The following ADGRF3 variants were observed in gnomAD, a reference collection of about 807,000 sequenced individuals.
The protein encoded by ADGRF3 is adhesion G protein-coupled receptor F3, also known as G protein-coupled receptor 113.
Under a neutral mutation model 93.2 loss-of-function variants are expected in ADGRF3, and 85 were observed. That is an observed-to-expected ratio of 0.91 (90% CI 0.77 to 1.09). ADGRF3 has a LOEUF of 1.09. Ranked by LOEUF, ADGRF3 falls within the 50% of genes least tolerant of loss-of-function variation. The pLI is 0.00. For missense variants in ADGRF3, 1,125 were observed against 1,246.2 expected (o/e 0.90, Z 1.46); for synonymous variants, 534 against 532.5 (o/e 1.00, Z -0.04).
At position 26,314,478 on chromosome 2, in the gene ADGRF3, G is replaced by C. The variant is rs759352742; in HGVS notation, c.864C>G (p.Ser288Arg). The C allele has an allele frequency of 5.0e-6, 8 of 1,614,056 alleles. No individual in the cohort carries two copies. In the East Asian group the frequency reaches 1.8e-4, roughly 36 times the overall value. The change falls in exon 6 of 14, where the codon AGC (serine) becomes AGG (arginine). Residue 288 changes from serine to arginine, a missense_variant. Physicochemically the swap from Ser to Arg is moderately radical, Grantham distance 110 (BLOSUM62 -1). Coordinates refer to ENST00000651242, the MANE Select transcript of ADGRF3 (RefSeq NM_001321971.2). ...CCAGGTTTGTGCTGGGGATGCAGCA[G>C]CTCAGCTGGAAGCCAGGGGAGGTGG... is the stretch of plus-strand genomic sequence containing the variant. ...SCATSPGFQL[S>R]CCIPSTNLAY...
At chr2:26,319,546 T>C (rs1351329725) in intron 1 of ADGRF3, among the ~76,000 whole-genome samples, 24 of 61,692 alleles carry the variant, frequency 3.9e-4, no homozygotes, top group East Asian at 2.8e-3. Flanking sequence ...CCCTTCTTTC[T>C]CTCCCTCCCT....
chr2:26,321,443 A>G lies in ADGRF3; in HGVS notation c.115-3881T>C, dbSNP rs540031272. ...AGCATCTGCTGCAGTCTCCAAATGG[A>G]GTCTGTCAAGGCATGAAGTGGTCCT... On this transcript the variant is annotated intron_variant, in intron 1 of 13. Coordinates refer to ENST00000651242, the MANE Select transcript of ADGRF3 (RefSeq NM_001321971.2). 7.9e-5 allele frequency among the ~76,000 whole-genome samples: 12 copies of G among 152,134 alleles called. No individual in the cohort carries two copies. In the South Asian group the frequency reaches 1.9e-3, roughly 24 times the overall value.
At chr2:26,310,533 C>T (rs943186077) in intron 10 of ADGRF3, among the ~76,000 whole-genome samples, 159 bp downstream of exon 10, 1 of 152,088 alleles carries the variant, frequency 6.6e-6, no homozygotes, top group African/African-American at 2.4e-5. Flanking sequence ...CAAAGTTATC[C>T]AGCTACTCAG....
chr2:26,317,458 C>T (rs530203057), intron 2 of ADGRF3, 38 bp downstream of exon 2: 4 of 1,553,866 alleles, frequency 2.6e-6, no homozygotes, highest in East Asian at 2.4e-5. Flanking sequence ...CAGCTCCCAT[C>T]TCCTCCCCCT....
Position 26,314,434 on chromosome 2 carries a change from C to T in ADGRF3, c.908G>A (p.Ser303Asn). The T allele has an allele frequency of 6.2e-7, 1 of 1,613,786 alleles. No homozygotes were observed. Among genetic ancestry groups the T allele is most frequent in the Non-Finnish European group, 8.5e-7 (1 of 1,179,850 alleles). The change falls in exon 6 of 14, where the codon AGC (serine) becomes AAC (asparagine). Residue 303 changes from serine to asparagine, a missense_variant. Transcript: ENST00000651242. ...CATACCTTTGCTGCCCTCTCCAGGGCTCCAGGCCGCGGTGTAGGCCAGGTT... is the reference window on the plus strand; with the variant it reads ...CATACCTTTGCTGCCCTCTCCAGGGTTCCAGGCCGCGGTGTAGGCCAGGTT... ...STNLAYTAAWSPGEGSKASSF... is the reference protein window; with the variant it reads ...STNLAYTAAWNPGEGSKASSF...
intron 6 of ADGRF3, among the ~76,000 whole-genome samples, 194 bp from the exon 7 acceptor site, chr2:26,314,097 C>G (rs1674440031): frequency 6.6e-6 from 1 of 152,216 alleles, no homozygotes; most frequent in Admixed American, 6.5e-5. Context: ...ACTGTGGGGT[C>G]TCTAACAAGC....
intron 1 of ADGRF3, among the ~76,000 whole-genome samples, chr2:26,344,221 C>T (rs1410768424): frequency 6.6e-6 from 1 of 152,102 alleles, no homozygotes. Context: ...CTCGGTTCAC[C>T]GTAACCCCAC....
chr2:26,310,139 C>G (rs1673930462), intron 11 of ADGRF3, 34 bp from the exon 12 acceptor site: 2 of 1,613,916 alleles, frequency 1.2e-6, no homozygotes, highest in South Asian at 2.2e-5. Flanking sequence ...CTTATGCCAG[C>G]CACGGCCCCG....
chr2:26,345,885 T>C (rs1388148569), intron 1 of ADGRF3: 7 of 539,918 alleles, frequency 1.3e-5, no homozygotes, highest in Non-Finnish European at 2.3e-5. Flanking sequence ...TTACCTCAGC[T>C]CACCAATTTT....
intron 1 of ADGRF3, among the ~76,000 whole-genome samples, chr2:26,333,739 T>C (rs1364234101): frequency 6.6e-6 from 1 of 152,148 alleles, no homozygotes; most frequent in Non-Finnish European, 1.5e-5. Context: ...CTAGGTTTTC[T>C]AACACAAAAG....
Position 26,315,507 on chromosome 2 carries a change from G to A in ADGRF3, c.718+15C>T. 1 of 1,547,572 alleles carries A rather than the reference G, an allele frequency of 6.5e-7. No individual in the cohort carries two copies. The highest frequency in any genetic ancestry group is 8.7e-7 in the Non-Finnish European group (1 of 1,143,960). On this transcript the variant is annotated intron_variant, in intron 5 of 13. Coordinates refer to ENST00000651242, the MANE Select transcript of ADGRF3 (RefSeq NM_001321971.2). ...AGGAAGGAGAAAGGAGGCAAGGAGA[G>A]GACAGGCTGGCTACCTGCCCAGTGA...
chr2:26,314,622 A>C lies in ADGRF3; in HGVS notation c.720T>G (p.Gly240=). The part of the protein sequence containing the change: ...SVSNMSHHWA[G]EYMSCFEAQG... ...GGGCCTCGAAGCAGCTCATGTACTCACCTGCAGAAACGTGTGTGCGGCGCT... is the reference window on the plus strand; with the variant it reads ...GGGCCTCGAAGCAGCTCATGTACTCCCCTGCAGAAACGTGTGTGCGGCGCT... The change falls in exon 6 of 14, where the codon GGT becomes GGG. Residue 240 remains glycine, a splice_region_variant and synonymous_variant. Transcript: ENST00000651242. The C allele has an allele frequency of 6.2e-7, 1 of 1,613,108 alleles. No homozygotes were observed. Among genetic ancestry groups the C allele is most frequent in the Non-Finnish European group, 8.5e-7 (1 of 1,179,300 alleles).
chr2:26,316,326 A>G lies in ADGRF3; in HGVS notation c.448T>C (p.Cys150Arg), dbSNP rs1005764391. ...GGTTCGGGATGGCTGAAGACAAGGC[A>G]GCCACAAGGCTGGTGGTTGTGGAGG... ...QSLHNHQPCG[C>R]LVFSHPEPGY... The change falls in exon 4 of 14, where the codon TGC (cysteine) becomes CGC (arginine). Residue 150 changes from cysteine to arginine, a missense_variant. By Grantham distance (180) the Cys-to-Arg change is radical. Transcript: ENST00000651242. 1.9e-6 allele frequency: 3 copies of G among 1,551,890 alleles called. No individual in the cohort carries two copies. In the African/African-American group the frequency reaches 4.1e-5, roughly 21 times the overall value.
rs59360614 is a variant in ADGRF3 at position 26,322,538 on chromosome 2, G to C, written c.115-4976C>G. Among the ~76,000 whole-genome samples, 755 of 152,160 alleles carry C rather than the reference G, an allele frequency of 5.0e-3. 26 individuals carry two copies. In the South Asian group the frequency reaches 0.086, roughly 17 times the overall value. On this transcript the variant is annotated intron_variant, in intron 1 of 13. Coordinates refer to ENST00000651242, the MANE Select transcript of ADGRF3 (RefSeq NM_001321971.2). ...ATTGAGATTTATTTTACACTTTTTA[G>C]ACTGTTCCTATGATTTTAGAAAAGC...
At chr2:26,317,219 C>G (rs572228747) in intron 2 of ADGRF3, among the ~76,000 whole-genome samples, 164 bp from the exon 3 acceptor site, 1 of 152,270 alleles carries the variant, frequency 6.6e-6, no homozygotes, top group Admixed American at 6.5e-5. Context: ...GGAGCAAGTC[C>G]TCCCCTAGGC....
At chr2:26,326,382 C>A (rs1053838433) in intron 1 of ADGRF3, among the ~76,000 whole-genome samples, 3 of 152,098 alleles carry the variant, frequency 2.0e-5, no homozygotes, top group Non-Finnish European at 4.4e-5. Context: ...ATATAAGTCA[C>A]TTTTTGCTTT....
chr2:26,316,552 T>A, intron 3 of ADGRF3, 104 bp from the exon 4 acceptor site: 1 of 1,200,038 alleles, frequency 8.3e-7, no homozygotes, highest in Non-Finnish European at 1.2e-6. Context: ...GCTGGGTATC[T>A]GGACCAATCC....
intron 1 of ADGRF3, chr2:26,345,772 C>G: frequency 3.1e-6 from 1 of 325,478 alleles, no homozygotes; most frequent in South Asian, 3.3e-5. Flanking sequence ...AAACGGTATA[C>G]CCCAGATCAC....
At chr2:26,314,277 A>G in intron 6 of ADGRF3, 137 bp downstream of exon 6, 1 of 813,816 alleles carries the variant, frequency 1.2e-6, no homozygotes, top group East Asian at 2.7e-5. Flanking sequence ...GATGGGGTAG[A>G]AAACAGTGTT....
Sources: allele counts gnomAD v4.1 joint callset (sites outside exome capture counted in the v4.1 genomes callset), GRCh38; gene constraint gnomAD v4.1.1; transcripts MANE v1.5; gene names NCBI Gene and HGNC (gene_info 2026-07-23, HGNC 2026-07-21).